CCDC142: variants seen among roughly 807,000 people sequenced by gnomAD.
The protein encoded by CCDC142 is coiled-coil domain containing 142, also known as coiled-coil domain-containing protein 142.
Under a neutral mutation model 83.8 loss-of-function variants are expected in CCDC142, and 67 were observed. That is an observed-to-expected ratio of 0.80 (90% confidence interval 0.66 to 0.98). The LOEUF (loss-of-function observed/expected upper bound fraction) is 0.98, where lower values mean the gene tolerates loss of function less well. CCDC142 is among the 50% of genes least tolerant of loss of function. The pLI is 0.00. For synonymous variants in CCDC142, 421 were observed against 421.2 expected, an observed-to-expected ratio of 1.00 and a Z score of 0.01; for missense variants, 905 against 946.8, an observed-to-expected ratio of 0.96 and a Z score of 0.58.
chr2:74,475,229 A>G lies in CCDC142; in HGVS notation c.1792T>C (p.Phe598Leu). ...ACTTCCACCTTTACTCCTGACCTGA[A>G]CCGAATCCCATGGGTAAGAATGTGG... ...LDHILTHGIR[F>L]SLQGALQLKQ... The change falls in exon 7 of 9, where the codon TTC becomes CTC. Residue 598 changes from phenylalanine (F) to leucine (L), a missense_variant. Phe to Leu is a conservative substitution (Grantham distance 22, BLOSUM62 0). Around this residue, in one of 3 missense-constraint regions of CCDC142, gnomAD observed 265 missense variants for 288.9 expected, o/e 0.92. Transcript: ENST00000393965. 1 of 1,614,036 alleles carries G rather than the reference A, an allele frequency of 6.2e-7. No individual in the cohort carries two copies. Among genetic ancestry groups the G allele is most frequent in the Non-Finnish European group, 8.5e-7 (1 of 1,180,002 alleles).
rs201778971 is a variant in CCDC142, at chr2:74,474,958, G to T, written c.1954C>A (p.Pro652Thr). The change falls in exon 8 of 9, where the codon CCC becomes ACC. Residue 652 changes from proline (P) to threonine (T), a missense_variant. Physicochemically the swap from Pro to Thr is conservative, Grantham distance 38 (BLOSUM62 -1). Coordinates refer to ENST00000393965, the MANE Select transcript of CCDC142 (RefSeq NM_001365575.2). Reference protein sequence around the residue: ...DGALLCLLQQPLPKSQVHRRP... With the variant: ...DGALLCLLQQTLPKSQVHRRP... ...CTGTGGACTTGAGACTTGGGCAGGG[G>T]CTGCTGCAACAGACACAGCAGGGCC... The T allele has an allele frequency of 1.2e-5, 19 of 1,609,012 alleles. No homozygotes were observed. In the African/African-American group the frequency reaches 2.4e-4, roughly 20 times the overall value.
In CCDC142 at chr2:74,482,016, C is replaced by G; in HGVS notation, c.822G>C (p.Leu274=). Residue 274 remains leucine, a synonymous_variant, in exon 1 of 9, where the codon CTG becomes CTC. Transcript: ENST00000393965. This position sits in a 1 kb window ranked among gnomAD's most constrained non-coding sequence, Gnocchi z 5.0. ...CGACCAGGCCCAGCAGCCCTGGTAGCAGATCCCCCTCCTCTTGGCACCGCC... is the reference window on the plus strand; with the variant it reads ...CGACCAGGCCCAGCAGCCCTGGTAGGAGATCCCCCTCCTCTTGGCACCGCC... ...LRRRCQEEGD[L]LPGLLGLVGG... 6.2e-7 allele frequency: 1 copy of G among 1,613,860 alleles called. No individual in the cohort carries two copies. Among genetic ancestry groups the G allele is most frequent in the South Asian group, 1.1e-5 (1 of 91,088 alleles).
rs567858605 is a variant in CCDC142, at chr2:74,472,897, A to C, written c.*1649T>G. On this transcript the variant is annotated 3_prime_UTR_variant, in exon 9 of 9. Coordinates refer to ENST00000393965, the MANE Select transcript of CCDC142 (RefSeq NM_001365575.2). ...TCAGCAAATACAGCCTATCATGAATAGTCCTCTCATACGACGGTGAAAACC... is the reference window on the plus strand; with the variant it reads ...TCAGCAAATACAGCCTATCATGAATCGTCCTCTCATACGACGGTGAAAACC... The C allele has an allele frequency of 5.2e-6, 3 of 580,360 alleles. No homozygotes were observed. The African/African-American group carries it at 5.6e-5, about 11-fold the overall frequency. 36.0% of individuals were successfully genotyped at this position (580,360 alleles called of 1,614,324 possible).
chr2:74,474,796 C>CA lies in CCDC142; in HGVS notation c.2002dup (p.Cys668LeufsTer16). 1 of 1,607,278 alleles carries CA rather than the reference C, an allele frequency of 6.2e-7. No individual in the cohort carries two copies. On this transcript the variant is annotated frameshift_variant, in exon 9 of 9. Transcript: ENST00000393965. LOFTEE classifies it high-confidence loss of function. ...CAATTTCGTGGTCTGGACCTCCTGA[C>CA]AAGCACCTGGTAAGGCAGGAGTGGA...
intron 1 of CCDC142, 134 bp downstream of exon 1, chr2:74,481,683 A>C (rs975752924): frequency 2.2e-6 from 3 of 1,372,758 alleles, no homozygotes; most frequent in Non-Finnish European, 2.0e-6. Context: ...AAAGCTCAGA[A>C]GCTATAGTCT....
Position 74,474,908 on chromosome 2 carries a change from T to C in CCDC142, c.1996+8A>G, listed in dbSNP as rs760637683. 1 of 1,586,518 alleles carries C rather than the reference T, an allele frequency of 6.3e-7. No homozygotes were observed. Among genetic ancestry groups the C allele is most frequent in the Admixed American group, 1.7e-5 (1 of 57,458 alleles). Reference sequence around the variant, plus strand: ...ACACAAAGCAGTGAGCGAAGGGGAGTAACTCACAGCAACAGGGGGGCCTCC... The same window carrying C: ...ACACAAAGCAGTGAGCGAAGGGGAGCAACTCACAGCAACAGGGGGGCCTCC... On this transcript the variant is annotated splice_region_variant and intron_variant, in intron 8 of 8. Coordinates refer to ENST00000393965, the MANE Select transcript of CCDC142 (RefSeq NM_001365575.2).
Position 74,481,262 on chromosome 2 carries a change from G to T in CCDC142, c.1219C>A (p.Arg407=). The change falls in exon 3 of 9, where the codon CGA becomes AGA. Residue 407 remains arginine, a synonymous_variant. Coordinates refer to ENST00000393965, the MANE Select transcript of CCDC142 (RefSeq NM_001365575.2). ...QLFPPLLDAL[R]EPRLRRIFCQ... is the part of the protein sequence containing the mutation. ...AAAATCCGTCGTAACCTGGGCTCTC[G>T]AAGGGCATCCAAGAGAGGAGGAAAG... The T allele has an allele frequency of 1.2e-6, 2 of 1,614,146 alleles. No homozygotes were observed. The highest frequency in any genetic ancestry group is 1.7e-6 in the Non-Finnish European group (2 of 1,180,020).
chr2:74,475,373 C>T lies in CCDC142; in HGVS notation c.1648G>A (p.Gly550Ser), dbSNP rs746643838. Residue 550 changes from glycine (G) to serine (S), a missense_variant, in exon 7 of 9, where the codon GGT becomes AGT. Transcript: ENST00000393965. ...EPPSAPSEYA[G>S]LVVRTVLEPV... The stretch of plus-strand genomic sequence containing the variant: ...TCCAGTACGGTGCGGACCACTAAAC[C>T]AGCATACTCACTAGGAGCACTGGGA... 6 of 1,597,282 alleles carry T rather than the reference C, an allele frequency of 3.8e-6. No homozygotes were observed. The African/African-American group carries it at 8.1e-5, about 21-fold the overall frequency.
At position 74,472,857 on chromosome 2, in the gene CCDC142, G is replaced by A. The variant is rs548909444; in HGVS notation, c.*1689C>T. Reference sequence around the variant, plus strand: ...TGGTTTCGGCACAACGCATGGGGGAGCCCAAAGTAGGCTGTCAGCAAATAC... The same window carrying A: ...TGGTTTCGGCACAACGCATGGGGGAACCCAAAGTAGGCTGTCAGCAAATAC... On this transcript the variant is annotated 3_prime_UTR_variant, in exon 9 of 9. Transcript: ENST00000393965. The A allele has an allele frequency of 2.3e-5, 14 of 613,402 alleles. No individual in the cohort carries two copies. In the East Asian group the frequency reaches 3.9e-4, roughly 17 times the overall value. The allele number at this position is 613,402 out of a possible 1,614,324, so 38.0% of individuals were successfully genotyped here.
chr2:74,475,543 A>G (rs943391914), intron 6 of CCDC142, 69 bp downstream of exon 6: 9 of 1,482,042 alleles, frequency 6.1e-6, no homozygotes, highest in Non-Finnish European at 8.4e-6. Flanking sequence ...GGGGAACCGG[A>G]ATTTGGAAGG....
At chr2:74,480,340 G>T (rs558459533) in intron 5 of CCDC142, among the ~76,000 whole-genome samples, 1 of 152,286 alleles carries the variant, frequency 6.6e-6, no homozygotes, top group African/African-American at 2.4e-5. Flanking sequence ...TGTAATCCCA[G>T]CACTTTGGGA....
In CCDC142 at chr2:74,481,995, C is replaced by G; in HGVS notation, c.843G>C (p.Leu281=). The G allele has an allele frequency of 6.2e-7, 1 of 1,613,914 alleles. No homozygotes were observed. Among genetic ancestry groups the G allele is most frequent in the Non-Finnish European group, 8.5e-7 (1 of 1,179,998 alleles). The change falls in exon 1 of 9, where the codon CTG becomes CTC. Residue 281 remains leucine, a synonymous_variant. Coordinates refer to ENST00000393965, the MANE Select transcript of CCDC142 (RefSeq NM_001365575.2). Reference sequence around the variant, plus strand: ...TGGCTGAACCCGCCACGCCCCCGACCAGGCCCAGCAGCCCTGGTAGCAGAT... The same window carrying G: ...TGGCTGAACCCGCCACGCCCCCGACGAGGCCCAGCAGCCCTGGTAGCAGAT... ...EGDLLPGLLG[L]VGGVAGSASC... is the part of the protein sequence containing the mutation.
Position 74,472,833 on chromosome 2 carries a change from G to A in CCDC142, c.*1713C>T, listed in dbSNP as rs1428605915. The A allele has an allele frequency of 4.3e-6, 3 of 691,558 alleles. No individual in the cohort carries two copies. The highest frequency in any genetic ancestry group is 1.9e-5 in the South Asian group (1 of 53,994). The allele number at this position is 691,558 out of a possible 1,614,324, so 42.8% of individuals were successfully genotyped here. On this transcript the variant is annotated 3_prime_UTR_variant, in exon 9 of 9. Coordinates refer to ENST00000393965, the MANE Select transcript of CCDC142 (RefSeq NM_001365575.2). ...GGAGGAAGGCAGGAAAGAAAGAGGT[G>A]GTTTCGGCACAACGCATGGGGGAGC...
At chr2:74,481,641 G>C (rs141050683) in intron 1 of CCDC142, 103 bp from the exon 2 acceptor site, 296 of 1,385,266 alleles carry the variant, frequency 2.1e-4, no homozygotes, top group Admixed American at 2.9e-4. Context: ...TCCAAGACTC[G>C]GGACTGGGGT....
Position 74,482,240 on chromosome 2 carries a change from A to G in CCDC142, c.598T>C (p.Ser200Pro). ...GREPASPGLS[S>P]QLAELLFALP... is the part of the protein sequence containing the mutation. ...GCAAAGAGCAGCTCGGCGAGTTGGGACGACAGGCCCGGGCTGGCGGGCTCC... is the reference window on the plus strand; with the variant it reads ...GCAAAGAGCAGCTCGGCGAGTTGGGGCGACAGGCCCGGGCTGGCGGGCTCC... The change falls in exon 1 of 9, where the codon TCC becomes CCC. Residue 200 changes from serine (S) to proline (P), a missense_variant. By Grantham distance (74) the Ser-to-Pro change is moderately conservative. This residue lies in a region of CCDC142 where 591 missense variants were observed against 571.4 expected (regional missense o/e 1.03). Transcript: ENST00000393965. The surrounding 1 kb of genome is among the most constrained non-coding windows in gnomAD (Gnocchi z 5.0). 3 of 1,613,336 alleles carry G rather than the reference A, an allele frequency of 1.9e-6. No homozygotes were observed. The East Asian group carries it at 6.7e-5, about 36-fold the overall frequency.
In CCDC142 at chr2:74,473,706, G is replaced by C. The variant is rs1672243433; in HGVS notation, c.*840C>G. 1 of 151,392 alleles carries C rather than the reference G, an allele frequency of 6.6e-6. No individual in the cohort carries two copies. The highest frequency in any genetic ancestry group is 2.4e-5 in the African/African-American group (1 of 41,064). The allele number at this position is 151,392 out of a possible 1,614,324, so 9.4% of individuals were successfully genotyped here. A position where few individuals can be genotyped will look rare whatever the true frequency, so the allele number is the denominator to read the frequency against. ...AACCTCCCAAGGGTCTGACCTTCAG[G>C]TTCCAGGCTATGGTCTTGCTCTTTA... On this transcript the variant is annotated 3_prime_UTR_variant, in exon 9 of 9. Transcript: ENST00000393965.
intron 5 of CCDC142, among the ~76,000 whole-genome samples, chr2:74,476,153 GA>G (rs1390515893): frequency 3.3e-4 from 49 of 150,518 alleles, no homozygotes; most frequent in African/African-American, 1.2e-3. Flanking sequence ...GGCAGAAATT[GA>G]GGGAAGAAAG....
At position 74,482,669 on chromosome 2, in the gene CCDC142, A is replaced by T; in HGVS notation, c.169T>A (p.Trp57Arg). The T allele has an allele frequency of 6.2e-7, 1 of 1,611,116 alleles. No individual in the cohort carries two copies. Among genetic ancestry groups the T allele is most frequent in the Non-Finnish European group, 8.5e-7 (1 of 1,179,944 alleles). The stretch of plus-strand genomic sequence containing the variant: ...TCGCTCACATCCGCCGGCGTCGGCC[A>T]CCACGGCGTCCCTCCAGAAGTTCCG... ...PSGTSGGTPWWPTPADVSEDY... is the reference protein window; with the variant it reads ...PSGTSGGTPWRPTPADVSEDY... The change falls in exon 1 of 9, where the codon TGG (tryptophan) becomes AGG (arginine). Residue 57 changes from tryptophan to arginine, a missense_variant. Trp to Arg is a moderately radical substitution (Grantham distance 101, BLOSUM62 -3). Transcript: ENST00000393965. The surrounding 1 kb of genome is among the most constrained non-coding windows in gnomAD (Gnocchi z 5.0).
intron 7 of CCDC142, 34 bp from the exon 8 acceptor site, chr2:74,475,149 C>T (rs754233443): frequency 2.5e-6 from 4 of 1,611,296 alleles, no homozygotes; most frequent in Admixed American, 3.3e-5. Context: ...CCACTTGACC[C>T]TCCTGCCTCT....
Sources: gnomAD v4.1 joint callset for allele counts (sites outside exome capture counted in the v4.1 genomes callset) on GRCh38, gnomAD v4.1.1 for gene constraint, gnomAD v4.1.1 regional missense constraint, Gnocchi (gnomAD v3.1) non-coding constraint, MANE v1.5 for transcripts, NCBI Gene and HGNC (gene_info 2026-07-23, HGNC 2026-07-21) for gene names.